The following IFT43 variants were observed in gnomAD, a reference collection of about 807,000 sequenced individuals.
IFT43 encodes intraflagellar transport protein 43 homolog.
A neutral mutation model predicts 32.3 loss-of-function variants in IFT43; 33 were observed. The ratio of observed to expected loss-of-function variants is 1.02; its 90% CI spans 0.77 to 1.37. The LOEUF (loss-of-function observed/expected upper bound fraction) is 1.37. Ranked by LOEUF, IFT43 falls within the 40% of genes most tolerant of loss-of-function variation. The pLI is 0.00. For synonymous variants in IFT43, 93 were observed against 98.2 expected (o/e 0.95, Z 0.31); for missense variants, 274 against 265.9 (o/e 1.03, Z -0.21).
intron 2 of IFT43, among the ~76,000 whole-genome samples, chr14:75,991,407 G>GTGTGTGTA (rs2035640651): frequency 6.9e-6 from 1 of 145,154 alleles, no homozygotes; most frequent in African/African-American, 2.7e-5. Flanking sequence ...GTGTGTGTGT[G>GTGTGTGTA]TGTGTGTGTG....
chr14:76,068,743 T>C (rs918087803), intron 5 of IFT43, among the ~76,000 whole-genome samples: 7 of 152,220 alleles, frequency 4.6e-5, no homozygotes, highest in African/African-American at 1.4e-4. Context: ...AGATCTGTAG[T>C]AGGCTTGAAC....
intron 3 of IFT43, among the ~76,000 whole-genome samples, chr14:76,050,691 T>C (rs2140031541): frequency 6.6e-6 from 1 of 152,244 alleles, no homozygotes; most frequent in South Asian, 2.1e-4. Flanking sequence ...TCTGTAATGT[T>C]CTTTTCTCCT....
chr14:76,028,802 T>A (rs1014583574), intron 3 of IFT43, among the ~76,000 whole-genome samples: 1 of 152,226 alleles, frequency 6.6e-6, no homozygotes, highest in African/African-American at 2.4e-5. Context: ...TTCTTTTAAA[T>A]GGTTGCATAG....
At chr14:76,068,688 C>T (rs1260704967) in intron 5 of IFT43, among the ~76,000 whole-genome samples, 1 of 152,218 alleles carries the variant, frequency 6.6e-6, no homozygotes, top group Admixed American at 6.5e-5. Flanking sequence ...GTCCTTTAGA[C>T]TTCTTCTGTC....
chr14:76,010,108 A>G (rs1260154310), intron 2 of IFT43, among the ~76,000 whole-genome samples: 2 of 152,118 alleles, frequency 1.3e-5, no homozygotes, highest in East Asian at 1.9e-4. Flanking sequence ...GTGTTCTTCT[A>G]CCACATTGTT....
chr14:76,056,545 T>C (rs1478771670), intron 3 of IFT43, among the ~76,000 whole-genome samples: 10 of 152,244 alleles, frequency 6.6e-5, no homozygotes, highest in Non-Finnish European at 1.3e-4. Flanking sequence ...GCACATTGTG[T>C]AGGGAAGGAA....
Position 76,056,264 on chromosome 14 carries a change from G to A in IFT43, c.216-2378G>A, listed in dbSNP as rs1003164638. 5.3e-5 allele frequency among the ~76,000 whole-genome samples: 8 copies of A among 152,300 alleles called. 1 individual carries two copies. The highest frequency in any genetic ancestry group is 9.6e-5 in the African/African-American group (4 of 41,552). ...AGAGAGAGAGAATGAGAGAGAACAC[G>A]CCACCTGAGGGCATCCCTGCTGCCC... On this transcript the variant is annotated intron_variant, in intron 3 of 8. Coordinates refer to ENST00000314067, the MANE Select transcript of IFT43 (RefSeq NM_001102564.3).
At chr14:76,044,562 G>A (rs904281737) in intron 3 of IFT43, among the ~76,000 whole-genome samples, 1 of 152,006 alleles carries the variant, frequency 6.6e-6, no homozygotes, top group Non-Finnish European at 1.5e-5. Flanking sequence ...ATTGGTCATT[G>A]GTGATCAGAT....
intron 2 of IFT43, among the ~76,000 whole-genome samples, chr14:75,999,856 A>G (rs963301231): frequency 1.3e-5 from 2 of 152,352 alleles, no homozygotes; most frequent in Middle Eastern, 3.4e-3. Context: ...GTGGAGAAAT[A>G]AGAGTTTGTT....
intron 5 of IFT43, among the ~76,000 whole-genome samples, chr14:76,073,222 A>G (rs12433444): frequency 0.14 from 20,734 of 152,132 alleles, 1,734 homozygotes; most frequent in Non-Finnish European, 0.19. Context: ...ATGACTGGTG[A>G]CTGTCTGTGC....
At position 75,999,248 on chromosome 14, in the gene IFT43, TATATATATATATATATATATA is replaced by T. The variant is rs2035814582; in HGVS notation, c.147+10272_147+10292del. On this transcript the variant is annotated intron_variant, in intron 2 of 8. Transcript: ENST00000314067. ...CATTTTATATATATATATATATATA[TATATATATATATATATATATA>T]TATGTATATATATTTTTTTTTTTTT... Among the ~76,000 whole-genome samples, 53 of 12,608 alleles carry T rather than the reference TATATATATATATATATATATA, an allele frequency of 4.2e-3. 1 individual carries two copies. Among genetic ancestry groups the T allele is most frequent in the African/African-American group, 0.019 (49 of 2,624 alleles). 8.3% of individuals were successfully genotyped at this position (12,608 alleles called of 152,430 possible).
At position 76,083,547 on chromosome 14, in the gene IFT43, G is replaced by C; in HGVS notation, c.597G>C (p.Glu199Asp). 6.2e-7 allele frequency: 1 copy of C among 1,614,164 alleles called. No individual in the cohort carries two copies. The highest frequency in any genetic ancestry group is 8.5e-7 in the Non-Finnish European group (1 of 1,180,052). ...GGGACCCACTGCAGACGGAGAAGGA[G>C]GACCCTGCGGGGCAGGCCAGGCACA... is the stretch of plus-strand genomic sequence containing the variant. Reference protein sequence around the residue: ...TEWDPLQTEKEDPAGQARHT With the variant: ...TEWDPLQTEKDDPAGQARHT The change falls in exon 9 of 9, where the codon GAG becomes GAC. Residue 199 changes from glutamate to aspartate, a missense_variant. Glu to Asp is a conservative substitution (Grantham distance 45). Coordinates refer to ENST00000314067, the MANE Select transcript of IFT43 (RefSeq NM_001102564.3).
At chr14:75,995,825 A>G (rs2035733913) in intron 2 of IFT43, among the ~76,000 whole-genome samples, 1 of 152,154 alleles carries the variant, frequency 6.6e-6, no homozygotes, top group Non-Finnish European at 1.5e-5. Context: ...GGAATTTGAT[A>G]TGGAGTTGTT....
Position 76,033,427 on chromosome 14 carries a change from A to G in IFT43, c.215+11033A>G, listed in dbSNP as rs570151964. ...GAAGTAGGGCGGATAGTTTTCCTCC[A>G]AAACAGACGGAGCTTGGAAAGGCTG... On this transcript the variant is annotated intron_variant, in intron 3 of 8. Transcript: ENST00000314067. Among the ~76,000 whole-genome samples, 25 of 152,344 alleles carry G rather than the reference A, an allele frequency of 1.6e-4. No individual in the cohort carries two copies. In the South Asian group the frequency reaches 5.2e-3, roughly 32 times the overall value.
intron 3 of IFT43, among the ~76,000 whole-genome samples, chr14:76,027,023 C>G (rs1188455687): frequency 6.6e-6 from 1 of 152,060 alleles, no homozygotes; most frequent in Non-Finnish European, 1.5e-5. Context: ...TAAGTGGAAG[C>G]TAAATGATGA....
At chr14:76,065,786 T>C (rs1316642844) in intron 5 of IFT43, among the ~76,000 whole-genome samples, 1 of 152,222 alleles carries the variant, frequency 6.6e-6, no homozygotes, top group East Asian at 1.9e-4. Context: ...TTTAATTTAT[T>C]ATTTATTTTA....
intron 5 of IFT43, among the ~76,000 whole-genome samples, chr14:76,066,066 A>G (rs535475696): frequency 1.3e-5 from 2 of 152,352 alleles, no homozygotes; most frequent in African/African-American, 4.8e-5. Flanking sequence ...CAAATGGTAC[A>G]ACTCTCAGAT....
intron 3 of IFT43, among the ~76,000 whole-genome samples, chr14:76,046,768 A>G (rs913272538): frequency 3.4e-4 from 52 of 152,262 alleles, no homozygotes; most frequent in African/African-American, 1.2e-3. Flanking sequence ...TGACTTGCCC[A>G]AGAGCATGCA....
At chr14:76,016,211 C>G (rs1488636021) in intron 2 of IFT43, among the ~76,000 whole-genome samples, 1 of 152,040 alleles carries the variant, frequency 6.6e-6, no homozygotes, top group African/African-American at 2.4e-5. Flanking sequence ...AATCTTTAAT[C>G]CATTTTGATT....
Sources: allele counts gnomAD v4.1 joint callset (sites outside exome capture counted in the v4.1 genomes callset), GRCh38; gene constraint gnomAD v4.1.1; transcripts MANE v1.5; gene names NCBI Gene and HGNC (gene_info 2026-07-23, HGNC 2026-07-21).